SNURF: variants seen among roughly 807,000 people sequenced by gnomAD.
SNURF encodes SNURF protein.
In SNURF, 6 loss-of-function variants were observed where a neutral mutation model predicts 11.6. The observed-to-expected ratio is 0.52, with a 90% CI of 0.28 to 1.02. The LOEUF is 1.02. Ranked by LOEUF, SNURF falls within the 50% of genes least tolerant of loss-of-function variation. The pLI is 0.09. For missense variants in SNURF, 84 were observed against 88.4 expected (o/e 0.95, Z 0.20); for synonymous variants, 29 against 31.6 (o/e 0.92, Z 0.27).
At chr15:24,958,866 G>A (rs2074312711) in intron 1 of SNURF, 1 of 154,236 alleles carries the variant, frequency 6.5e-6, no homozygotes, top group African/African-American at 2.4e-5. Flanking sequence ...GTACAGGCTT[G>A]AGGTACTGTG....
chr15:24,978,121 A>G, downstream of SNURF: 1 of 1,489,674 alleles, frequency 6.7e-7, no homozygotes, highest in South Asian at 1.2e-5. Flanking sequence ...TTCTTTAGGG[A>G]TTATTTGGGC....
At chr15:24,957,823 A>G (rs1243586783) in intron 1 of SNURF, among the ~76,000 whole-genome samples, 4 of 152,096 alleles carry the variant, frequency 2.6e-5, no homozygotes, top group Non-Finnish European at 5.9e-5. Flanking sequence ...TTGCAAGCTG[A>G]GTATTTAGTC....
chr15:24,975,200 C>A (rs2076930533), intron 3 of SNURF, among the ~76,000 whole-genome samples: 1 of 152,072 alleles, frequency 6.6e-6, no homozygotes, highest in Admixed American at 6.5e-5. Context: ...TCCAAAGAGC[C>A]ATACTAAATA....
chr15:24,956,001 G>A (rs1204454746), intron 1 of SNURF, among the ~76,000 whole-genome samples: 4 of 152,190 alleles, frequency 2.6e-5, no homozygotes, highest in Admixed American at 6.5e-5. Flanking sequence ...TGGTCATCTG[G>A]TTTGCCTACT....
At chr15:24,957,129 T>C (rs538092985) in intron 1 of SNURF, among the ~76,000 whole-genome samples, 11 of 152,316 alleles carry the variant, frequency 7.2e-5, no homozygotes, top group South Asian at 4.1e-4. Flanking sequence ...TTCGACACAT[T>C]TAATAAATGT....
At chr15:24,958,504 T>TTG (rs2074234942) in intron 1 of SNURF, among the ~76,000 whole-genome samples, 1 of 136,392 alleles carries the variant, frequency 7.3e-6, no homozygotes, top group Non-Finnish European at 1.6e-5. Context: ...TTTTTTTTTT[T>TTG]TTTTTTTTTT....
chr15:24,962,006 A>G (rs1233541692), intron 1 of SNURF, 108 bp from the exon 2 acceptor site: 1 of 984,376 alleles, frequency 1.0e-6, no homozygotes, highest in Non-Finnish European at 1.6e-6. Flanking sequence ...TTTTAATTAG[A>G]TTTAAAAATC....
intron 1 of SNURF, among the ~76,000 whole-genome samples, chr15:24,961,069 A>G (rs921288743): frequency 1.3e-5 from 2 of 151,806 alleles, no homozygotes; most frequent in African/African-American, 4.8e-5. Context: ...GTGTTTTCGG[A>G]ACTTTATTTT....
chr15:24,966,278 T>G (rs977898171), intron 2 of SNURF, among the ~76,000 whole-genome samples: 3 of 146,580 alleles, frequency 2.0e-5, no homozygotes, highest in Admixed American at 2.0e-4. Flanking sequence ...AGTGCTATAC[T>G]TACTAGTTTT....
intron 1 of SNURF, among the ~76,000 whole-genome samples, chr15:24,955,883 C>T (rs2062778738): frequency 1.3e-5 from 2 of 151,486 alleles, no homozygotes; most frequent in African/African-American, 4.9e-5. Flanking sequence ...CGGGGCCTGT[C>T]GCTGTCCGGA....
At chr15:24,958,569 A>G (rs1409376544) in intron 1 of SNURF, among the ~76,000 whole-genome samples, 2 of 141,068 alleles carry the variant, frequency 1.4e-5, no homozygotes, top group Non-Finnish European at 3.0e-5. Context: ...TCGAACTGCT[A>G]GACTCAAGCT....
chr15:24,977,095 T>G (rs2077142906), intron 6 of SNURF: 8 of 1,341,342 alleles, frequency 6.0e-6, no homozygotes, highest in Non-Finnish European at 8.1e-6. Flanking sequence ...CCGAGGAGAT[T>G]TAAAAACCTA....
At position 24,977,815 on chromosome 15, in the gene SNURF, C is replaced by T; in HGVS notation, c.*500C>T. 3.1e-6 allele frequency: 5 copies of T among 1,613,284 alleles called. No individual in the cohort carries two copies. Among genetic ancestry groups the T allele is most frequent in the Non-Finnish European group, 4.2e-6 (5 of 1,179,600 alleles). ...CAGGGAAGAGGCACTGTAGCAGCTGCTGCTGTTGCTGCGACTGCCAGTATT... is the reference window on the plus strand; with the variant it reads ...CAGGGAAGAGGCACTGTAGCAGCTGTTGCTGTTGCTGCGACTGCCAGTATT... On this transcript the variant is annotated 3_prime_UTR_variant and NMD_transcript_variant, in exon 7 of 7. Coordinates refer to the SNURF transcript ENST00000580062.
downstream of SNURF, among the ~76,000 whole-genome samples, chr15:24,969,256 G>T (rs2076091461): frequency 6.6e-6 from 1 of 152,086 alleles, no homozygotes; most frequent in Non-Finnish European, 1.5e-5. Context: ...AGCCTCCCAA[G>T]TATCTGGGAT....
intron 3 of SNURF, chr15:24,974,878 A>G: frequency 2.8e-6 from 2 of 702,054 alleles, no homozygotes; most frequent in Non-Finnish European, 5.2e-6. Context: ...GAAATGTTTC[A>G]TGATGTGAGA....
chr15:24,956,024 C>G (rs2062803316), intron 1 of SNURF, among the ~76,000 whole-genome samples: 1 of 151,934 alleles, frequency 6.6e-6, no homozygotes, highest in Non-Finnish European at 1.5e-5. Context: ...GGTGGTGGTG[C>G]TTTTTTATTA....
exon 6 of SNURF, chr15:24,976,956 C>T (rs200977523): frequency 2.7e-5 from 43 of 1,606,336 alleles, no homozygotes; most frequent in Non-Finnish European, 3.6e-5. Flanking sequence ...GGAGTACCAG[C>T]TGGTGTGCCA....
chr15:24,977,756 G>A (rs766626894), intron 6 of SNURF: 1 of 1,569,802 alleles, frequency 6.4e-7, no homozygotes, highest in Non-Finnish European at 8.6e-7. Context: ...CGCTTTGACT[G>A]TTTCCCGCCC....
intron 1 of SNURF, 101 bp downstream of exon 1, chr15:24,955,163 C>A (rs528860907): frequency 6.6e-7 from 1 of 1,504,640 alleles, no homozygotes; most frequent in Non-Finnish European, 9.1e-7. Context: ...ACTGAATAAA[C>A]GGAATTTGGG....
Sources: allele counts gnomAD v4.1 joint callset (sites outside exome capture counted in the v4.1 genomes callset), GRCh38; gene constraint gnomAD v4.1.1; transcripts MANE v1.5; gene names NCBI Gene and HGNC (gene_info 2026-07-23, HGNC 2026-07-21).